BTBD10: variants seen among roughly 807,000 people sequenced by gnomAD.
BTBD10 encodes BTB domain containing 10.
BTBD10 carries 21 observed loss-of-function variants against 53.2 expected under a neutral mutation model. The observed-to-expected ratio is 0.39, with a 90% CI of 0.28 to 0.57. BTBD10 has a LOEUF of 0.57. Among genes scored for constraint, BTBD10 ranks in the 20% least tolerant of loss-of-function variants. The pLI, the probability that BTBD10 is intolerant of heterozygous loss-of-function variation, is 0.53. For missense variants in BTBD10, 360 were observed against 594.7 expected (o/e 0.61, Z 4.10); for synonymous variants, 149 against 192.7 (o/e 0.77, Z 1.88).
Position 13,418,978 on chromosome 11 carries a change from T to TC in BTBD10, c.584+481_584+482insG, listed in dbSNP as rs1950184782. On this transcript the variant is annotated intron_variant, in intron 4 of 8. Coordinates refer to ENST00000278174, the MANE Select transcript of BTBD10 (RefSeq NM_032320.7). ...AACTACTTGTTGACATTCCTTTTTTTTTTTTTTTTTTTTAAAAGTATCTAC... is the reference window on the plus strand; with the variant it reads ...AACTACTTGTTGACATTCCTTTTTTTCTTTTTTTTTTTTTAAAAGTATCTAC... Among the ~76,000 whole-genome samples, 3 of 149,388 alleles carry TC rather than the reference T, an allele frequency of 2.0e-5. No homozygotes were observed. In the South Asian group the frequency reaches 6.4e-4, roughly 32 times the overall value.
intron 1 of BTBD10, among the ~76,000 whole-genome samples, chr11:13,460,390 C>T (rs2134070131): frequency 6.6e-6 from 1 of 152,254 alleles, no homozygotes; most frequent in Non-Finnish European, 1.5e-5. Context: ...CTCTATATGC[C>T]TAAAAAACAC....
At chr11:13,445,225 GAATAA>G (rs1950731418) in intron 1 of BTBD10, 44 bp from the exon 2 acceptor site, 1 of 691,482 alleles carries the variant, frequency 1.4e-6, no homozygotes. Context: ...ATTCCACGCA[GAATAA>G]AATAGTCATA....
rs141068089 is a variant in BTBD10, at chr11:13,441,211, G to C, written c.101+3813C>G. 9.1e-3 allele frequency among the ~76,000 whole-genome samples: 1,388 copies of C among 152,146 alleles called. 92 individuals carry two copies. The highest frequency in any genetic ancestry group is 0.082 in the Admixed American group (1,255 of 15,278). On this transcript the variant is annotated intron_variant, in intron 2 of 8. Coordinates refer to ENST00000278174, the MANE Select transcript of BTBD10 (RefSeq NM_032320.7). ...CACCCTAAAAGTCCATCCATGTTCA[G>C]ACTAGTTTCTTTAACTGTAAACAAA...
At chr11:13,433,562 T>A (rs1950492555) in intron 2 of BTBD10, among the ~76,000 whole-genome samples, 1 of 152,260 alleles carries the variant, frequency 6.6e-6, no homozygotes, top group African/African-American at 2.4e-5. Context: ...GCAACTGATT[T>A]GCTTTTTATA....
chr11:13,392,912 C>A (rs1396438190), intron 8 of BTBD10, among the ~76,000 whole-genome samples: 1 of 152,180 alleles, frequency 6.6e-6, no homozygotes, highest in African/African-American at 2.4e-5. Flanking sequence ...AGGACAAGGA[C>A]TAATGATGGG....
chr11:13,436,014 A>T (rs1056753437), intron 2 of BTBD10, among the ~76,000 whole-genome samples: 1 of 152,208 alleles, frequency 6.6e-6, no homozygotes. Flanking sequence ...AGTATGTCTA[A>T]CTATCCTAAG....
At chr11:13,458,128 T>A (rs1234879654) in intron 1 of BTBD10, among the ~76,000 whole-genome samples, 3 of 90,952 alleles carry the variant, frequency 3.3e-5, no homozygotes, top group East Asian at 3.8e-4. Flanking sequence ...ATAATGAGAC[T>A]CCATCTCAAA....
chr11:13,458,347 G>A (rs1591179341), intron 1 of BTBD10, among the ~76,000 whole-genome samples: 1 of 152,078 alleles, frequency 6.6e-6, no homozygotes, highest in East Asian at 1.9e-4. Flanking sequence ...TATGTATATA[G>A]TACACACACA....
chr11:13,414,852 A>AG (rs1163191025), intron 5 of BTBD10, among the ~76,000 whole-genome samples: 1 of 149,692 alleles, frequency 6.7e-6, no homozygotes, highest in African/African-American at 2.4e-5. Context: ...ACGAAAAAAA[A>AG]AAAAAAAAAA....
chr11:13,419,368 C>T, intron 4 of BTBD10, 92 bp downstream of exon 4: 4 of 1,472,628 alleles, frequency 2.7e-6, no homozygotes, highest in Non-Finnish European at 3.6e-6. Context: ...TGTTACATTT[C>T]AACAGAGAAT....
At chr11:13,391,846 A>G (rs1949415091) in intron 8 of BTBD10, among the ~76,000 whole-genome samples, 1 of 152,208 alleles carries the variant, frequency 6.6e-6, no homozygotes, top group Admixed American at 6.5e-5. Flanking sequence ...CGGGAGGCTG[A>G]GACAGGAGAA....
At chr11:13,417,748 A>G (rs1196626592) in intron 4 of BTBD10, among the ~76,000 whole-genome samples, 2 of 152,246 alleles carry the variant, frequency 1.3e-5, no homozygotes, top group East Asian at 3.8e-4. Flanking sequence ...ACATTTCACA[A>G]TCTTAACTAT....
At chr11:13,416,578 A>G (rs1204370518) in intron 5 of BTBD10, among the ~76,000 whole-genome samples, 1 of 152,204 alleles carries the variant, frequency 6.6e-6, no homozygotes, top group Non-Finnish European at 1.5e-5. Flanking sequence ...AAATGTTACT[A>G]AATACCTAAT....
intron 7 of BTBD10, 172 bp downstream of exon 7, chr11:13,405,487 T>G: frequency 1.5e-6 from 1 of 646,902 alleles, no homozygotes; most frequent in Non-Finnish European, 2.6e-6. Context: ...ACTACTCAAC[T>G]CTGCCACTGT....
Position 13,393,190 on chromosome 11 carries a change from G to A in BTBD10, c.1118-4049C>T, listed in dbSNP as rs902221273. On this transcript the variant is annotated intron_variant, in intron 8 of 8. Transcript: ENST00000278174. ...AGCCTGCTTAAAAGTAAGTAGAAGAGGCCTTAGGTAGGCCTGACTATAGCA... is the reference window on the plus strand; with the variant it reads ...AGCCTGCTTAAAAGTAAGTAGAAGAAGCCTTAGGTAGGCCTGACTATAGCA... 3.3e-5 allele frequency among the ~76,000 whole-genome samples: 5 copies of A among 152,246 alleles called. No homozygotes were observed. The East Asian group carries it at 7.7e-4, about 23-fold the overall frequency.
intron 8 of BTBD10, among the ~76,000 whole-genome samples, chr11:13,389,944 A>G (rs1949363619): frequency 6.6e-6 from 1 of 152,130 alleles, no homozygotes; most frequent in Non-Finnish European, 1.5e-5. Flanking sequence ...AACCTCCCAT[A>G]TCATTTTAAC....
chr11:13,455,568 G>T (rs946384232), intron 1 of BTBD10, among the ~76,000 whole-genome samples: 8 of 152,038 alleles, frequency 5.3e-5, no homozygotes, highest in South Asian at 2.1e-4. Context: ...AACTCAAAAG[G>T]CATATTTTTT....
At chr11:13,445,236 T>G in intron 1 of BTBD10, 55 bp from the exon 2 acceptor site, 1 of 655,544 alleles carries the variant, frequency 1.5e-6, no homozygotes. Context: ...AATAAAATAG[T>G]CATAGAATTG....
intron 2 of BTBD10, chr11:13,439,896 T>C (rs1233957618): frequency 2.0e-6 from 3 of 1,530,670 alleles, no homozygotes; most frequent in African/African-American, 2.7e-5. Context: ...TCCTTTAGTA[T>C]ATGCCAAGGT....
Sources: gnomAD v4.1 joint callset for allele counts (sites outside exome capture counted in the v4.1 genomes callset) on GRCh38, gnomAD v4.1.1 for gene constraint, MANE v1.5 for transcripts, NCBI Gene and HGNC (gene_info 2026-07-23, HGNC 2026-07-21) for gene names.